NRG3: variants seen among roughly 807,000 people sequenced by gnomAD.
NRG3 encodes the protein pro-neuregulin-3, membrane-bound isoform.
A neutral mutation model predicts 66.9 loss-of-function variants in NRG3; 31 were observed. The ratio of observed to expected loss-of-function variants is 0.46; its 90% CI spans 0.35 to 0.63. The LOEUF (loss-of-function observed/expected upper bound fraction) is 0.63, where lower values mean the gene tolerates loss of function less well. Ranked by LOEUF, NRG3 falls within the 20% of genes least tolerant of loss-of-function variation. The pLI is 0.00. For synonymous variants in NRG3, 393 were observed against 359.4 expected (o/e 1.09, Z -1.06); for missense variants, 910 against 878.9 (o/e 1.04, Z -0.45).
At chr10:82,084,731 G>A (rs752018494) in intron 1 of NRG3, among the ~76,000 whole-genome samples, 2 of 152,098 alleles carry the variant, frequency 1.3e-5, no homozygotes, top group Non-Finnish European at 2.9e-5. Flanking sequence ...GAGCCCACAC[G>A]TTCAAGATTA....
chr10:82,895,797 A>T (rs1843614589), intron 4 of NRG3, among the ~76,000 whole-genome samples: 1 of 152,144 alleles, frequency 6.6e-6, no homozygotes, highest in Non-Finnish European at 1.5e-5. Flanking sequence ...TACCAATAAC[A>T]TTTTATTTCT....
At chr10:82,211,524 G>C (rs2075393198) in intron 1 of NRG3, among the ~76,000 whole-genome samples, 1 of 152,122 alleles carries the variant, frequency 6.6e-6, no homozygotes, top group Non-Finnish European at 1.5e-5. Context: ...AATCCCTCCA[G>C]AGGCTGAATA....
chr10:82,492,913 G>T (rs1843278408), intron 2 of NRG3, among the ~76,000 whole-genome samples: 1 of 152,118 alleles, frequency 6.6e-6, no homozygotes, highest in African/African-American at 2.4e-5. Flanking sequence ...GTTAATCCAA[G>T]AATCCATGTA....
At chr10:82,133,028 AT>A (rs1219967226) in intron 1 of NRG3, among the ~76,000 whole-genome samples, 1 of 150,458 alleles carries the variant, frequency 6.6e-6, no homozygotes. Context: ...CATTTTGTTG[AT>A]TTTTTGTATT....
At chr10:82,419,361 T>A (rs2088885045) in intron 2 of NRG3, among the ~76,000 whole-genome samples, 1 of 152,146 alleles carries the variant, frequency 6.6e-6, no homozygotes, top group Admixed American at 6.6e-5. Flanking sequence ...ATGCAAGGTC[T>A]TGCTTAGGTT....
intron 3 of NRG3, among the ~76,000 whole-genome samples, chr10:82,855,989 A>C (rs2063782535): frequency 6.6e-6 from 1 of 152,200 alleles, no homozygotes; most frequent in Admixed American, 6.5e-5. Context: ...TAGATTCCAG[A>C]ATTGTAGATT....
At position 82,619,699 on chromosome 10, in the gene NRG3, G is replaced by A. The variant is rs958498003; in HGVS notation, c.954-118878G>A. ...TAAAGCGGTAATAAGGTTAAGGTGA[G>A]GTTATGAGGGTGAGCCCTAATCTAA... On this transcript the variant is annotated intron_variant, in intron 2 of 8. Transcript: ENST00000372141. 1.3e-4 allele frequency among the ~76,000 whole-genome samples: 20 copies of A among 152,294 alleles called. No homozygotes were observed. The South Asian group carries it at 3.5e-3, about 27-fold the overall frequency.
Position 81,875,905 on chromosome 10 carries a change from G to A in NRG3, c.565G>A (p.Ala189Thr). ...PRSTTARNTA[A>T]PATVPSTTAP... The stretch of plus-strand genomic sequence containing the variant: ...CTCCACCACAGCACGGAACACTGCG[G>A]CCCCTGCGACGGTCCCGTCCACCAC... Residue 189 changes from alanine (A) to threonine (T), a missense_variant, in exon 1 of 9, where the codon GCC becomes ACC. Ala to Thr is a moderately conservative substitution (Grantham distance 58, BLOSUM62 0). Coordinates refer to ENST00000372141, the MANE Select transcript of NRG3 (RefSeq NM_001010848.4). This position sits in a 1 kb window ranked among gnomAD's most constrained non-coding sequence, Gnocchi z 5.3. 1 of 1,612,648 alleles carries A rather than the reference G, an allele frequency of 6.2e-7. No homozygotes were observed. Among genetic ancestry groups the A allele is most frequent in the Non-Finnish European group, 8.5e-7 (1 of 1,179,964 alleles).
At chr10:82,094,260 C>T (rs532422947) in intron 1 of NRG3, among the ~76,000 whole-genome samples, 1 of 152,182 alleles carries the variant, frequency 6.6e-6, no homozygotes, top group South Asian at 2.1e-4. Flanking sequence ...AGTCACTAAT[C>T]ATCAGAGAAA....
intron 2 of NRG3, among the ~76,000 whole-genome samples, chr10:82,532,693 T>TTTCC (rs1847410414): frequency 6.6e-6 from 1 of 150,928 alleles, no homozygotes; most frequent in Admixed American, 6.6e-5. Context: ...ATTTAAGTTA[T>TTTCC]TTCCCCCTCT....
intron 1 of NRG3, among the ~76,000 whole-genome samples, chr10:82,000,154 T>C (rs1216701748): frequency 1.3e-5 from 2 of 152,214 alleles, no homozygotes; most frequent in African/African-American, 4.8e-5. Flanking sequence ...AATTACCCTT[T>C]GGGAATTAGT....
chr10:81,935,785 T>G (rs914253559), intron 1 of NRG3, among the ~76,000 whole-genome samples: 1 of 152,028 alleles, frequency 6.6e-6, no homozygotes, highest in South Asian at 2.1e-4. Context: ...TAACCCTTTG[T>G]TACACAACCC....
At chr10:82,584,702 C>G (rs922976338) in intron 2 of NRG3, among the ~76,000 whole-genome samples, 1 of 152,084 alleles carries the variant, frequency 6.6e-6, no homozygotes, top group Admixed American at 6.6e-5. Context: ...ATAATCAAAA[C>G]ATAATTTGTT....
chr10:81,878,873 A>G (rs1841924732), intron 1 of NRG3, among the ~76,000 whole-genome samples: 1 of 152,210 alleles, frequency 6.6e-6, no homozygotes, highest in African/African-American at 2.4e-5. Flanking sequence ...ATCAATCAGA[A>G]GGATCCTGTC....
chr10:82,006,494 T>A (rs2061381328), intron 1 of NRG3, among the ~76,000 whole-genome samples: 1 of 152,152 alleles, frequency 6.6e-6, no homozygotes, highest in African/African-American at 2.4e-5. Context: ...TTTATGCTTT[T>A]TTCTTTTCTG....
At chr10:82,204,281 G>T (rs557721049) in intron 1 of NRG3, among the ~76,000 whole-genome samples, 1 of 152,118 alleles carries the variant, frequency 6.6e-6, no homozygotes, top group Non-Finnish European at 1.5e-5. Flanking sequence ...CTACAACAAA[G>T]GTTTCTTTCT....
chr10:81,961,387 C>T (rs903950126), intron 1 of NRG3, among the ~76,000 whole-genome samples: 7 of 152,144 alleles, frequency 4.6e-5, no homozygotes, highest in Admixed American at 4.6e-4. Context: ...ACCTTGAGGA[C>T]AGGGAGATCT....
chr10:81,961,456 A>T (rs1019494025), intron 1 of NRG3, among the ~76,000 whole-genome samples: 1 of 133,118 alleles, frequency 7.5e-6, no homozygotes. Context: ...CTAGCATAGA[A>T]TATTTGTTTG....
At chr10:82,347,435 T>C (rs1158260535) in intron 1 of NRG3, among the ~76,000 whole-genome samples, 1 of 152,118 alleles carries the variant, frequency 6.6e-6, no homozygotes, top group Non-Finnish European at 1.5e-5. Flanking sequence ...TGAGAGACAG[T>C]TTGTTATAAT....
Sources: allele counts gnomAD v4.1 joint callset (sites outside exome capture counted in the v4.1 genomes callset), GRCh38; gene constraint gnomAD v4.1.1; non-coding constraint Gnocchi (gnomAD v3.1); transcripts MANE v1.5; gene names NCBI Gene and HGNC (gene_info 2026-07-23, HGNC 2026-07-21).